STRBP: variants seen among roughly 807,000 people sequenced by gnomAD.
The protein encoded by STRBP is spermatid perinuclear RNA binding protein, also known as spermatid perinuclear RNA-binding protein.
STRBP carries 13 observed loss-of-function variants against 80.1 expected under a neutral mutation model. That is an observed-to-expected ratio of 0.16 (90% CI 0.11 to 0.26). STRBP has a LOEUF of 0.26. Ranked by LOEUF, STRBP falls within the 10% of genes least tolerant of loss-of-function variation. The pLI, the probability that STRBP is intolerant of heterozygous loss-of-function variation, is 1.00. For missense variants in STRBP, 485 were observed against 815.2 expected (o/e 0.59, Z 4.93); for synonymous variants, 284 against 291.2 (o/e 0.98, Z 0.25).
rs1269261301 is a variant in STRBP at position 123,168,148 on chromosome 9, G to A, written c.535+1754C>T. ...TATAATTACAACACTACTTAGAAAT[G>A]GTTGGTTTTATACTAGAGGGTCAAG... is the stretch of plus-strand genomic sequence containing the variant. On this transcript the variant is annotated intron_variant, in intron 6 of 18. Coordinates refer to ENST00000348403, the MANE Select transcript of STRBP (RefSeq NM_018387.5). 1.2e-5 allele frequency: 10 copies of A among 806,728 alleles called. No homozygotes were observed. The Admixed American group carries it at 6.2e-4, about 50-fold the overall frequency. 50.0% of individuals were successfully genotyped at this position (806,728 alleles called of 1,614,324 possible). A position where few individuals can be genotyped will look rare whatever the true frequency, so the allele number is the denominator to read the frequency against.
intron 2 of STRBP, among the ~76,000 whole-genome samples, chr9:123,192,082 A>C (rs2038945097): frequency 6.6e-6 from 1 of 152,216 alleles, no homozygotes; most frequent in Admixed American, 6.5e-5. Flanking sequence ...GGCCTGAGCA[A>C]CTCAGTTAAG....
chr9:123,255,083 CAT>C (rs2041000804), intron 1 of STRBP, among the ~76,000 whole-genome samples: 1 of 152,110 alleles, frequency 6.6e-6, no homozygotes, highest in Non-Finnish European at 1.5e-5. Context: ...TTTTGTCTAT[CAT>C]CTTTGGGTTA....
At chr9:123,249,594 T>C (rs996480775) in intron 1 of STRBP, among the ~76,000 whole-genome samples, 8 of 152,134 alleles carry the variant, frequency 5.3e-5, no homozygotes, top group African/African-American at 1.7e-4. Flanking sequence ...TGAGGTATGA[T>C]TGCACCACTG....
chr9:123,200,980 G>C (rs1350455530), intron 2 of STRBP, among the ~76,000 whole-genome samples: 4 of 151,676 alleles, frequency 2.6e-5, no homozygotes, highest in Non-Finnish European at 5.9e-5. Context: ...TACGTTTCCA[G>C]GAATTTGACC....
At chr9:123,175,795 C>G (rs759916273) in intron 4 of STRBP, among the ~76,000 whole-genome samples, 1 of 152,162 alleles carries the variant, frequency 6.6e-6, no homozygotes, top group African/African-American at 2.4e-5. Context: ...TCCTTACTGG[C>G]CTTTCTGACC....
At chr9:123,129,574 C>T (rs559835809) in intron 17 of STRBP, among the ~76,000 whole-genome samples, 1 of 152,160 alleles carries the variant, frequency 6.6e-6, no homozygotes, top group Non-Finnish European at 1.5e-5. Context: ...CCCTTGAGAA[C>T]AGGATCAATT....
At chr9:123,146,424 C>G (rs1461282469) in intron 13 of STRBP, among the ~76,000 whole-genome samples, 1 of 150,602 alleles carries the variant, frequency 6.6e-6, no homozygotes, top group Non-Finnish European at 1.5e-5. Context: ...GTTAATCGTA[C>G]CGCCATTAAA....
intron 3 of STRBP, among the ~76,000 whole-genome samples, chr9:123,183,839 T>A (rs778161158): frequency 6.6e-6 from 1 of 152,206 alleles, no homozygotes; most frequent in Non-Finnish European, 1.5e-5. Flanking sequence ...ACCTAGCTAT[T>A]TGTATCAGTT....
At chr9:123,150,161 G>A (rs1369327985) in intron 11 of STRBP, among the ~76,000 whole-genome samples, 1 of 152,182 alleles carries the variant, frequency 6.6e-6, no homozygotes, top group African/African-American at 2.4e-5. Flanking sequence ...AACATGCTAA[G>A]AAATGATGCA....
At chr9:123,250,185 G>A (rs2040882088) in intron 1 of STRBP, among the ~76,000 whole-genome samples, 1 of 152,108 alleles carries the variant, frequency 6.6e-6, no homozygotes, top group Admixed American at 6.5e-5. Flanking sequence ...CCCTTTTCCA[G>A]CTACATATCT....
intron 2 of STRBP, among the ~76,000 whole-genome samples, chr9:123,203,178 C>A (rs2039388326): frequency 6.6e-6 from 1 of 151,828 alleles, no homozygotes; most frequent in Non-Finnish European, 1.5e-5. Flanking sequence ...TATAACAAGA[C>A]CCTCTCTCTA....
At chr9:123,267,195 GTCC>G (rs1348318006) in intron 1 of STRBP, among the ~76,000 whole-genome samples, 5 of 117,750 alleles carry the variant, frequency 4.2e-5, no homozygotes, top group African/African-American at 1.8e-4. Flanking sequence ...TGCCCCTAAC[GTCC>G]TCCAACACTT....
chr9:123,111,473 C>CT, intron 3 of STRBP: 1 of 340,920 alleles, frequency 2.9e-6, no homozygotes, highest in Admixed American at 4.7e-5. Flanking sequence ...TAGAGTCAAG[C>CT]AACTTTCTGA....
Position 123,122,454 on chromosome 9 carries a change from A to G in STRBP, c.*3143T>C, listed in dbSNP as rs2035762037. On this transcript the variant is annotated 3_prime_UTR_variant, in exon 19 of 19. Coordinates refer to ENST00000348403, the MANE Select transcript of STRBP (RefSeq NM_018387.5). ...TCACCCAAAATTAAAAAAAAAAAAA[A>G]AAAGAAAAGGCCAATACCAGCAAAA... The G allele has an allele frequency of 8.2e-7, 1 of 1,221,254 alleles. No individual in the cohort carries two copies. Among genetic ancestry groups the G allele is most frequent in the Non-Finnish European group, 1.0e-6 (1 of 963,294 alleles). The allele number at this position is 1,221,254 out of a possible 1,614,324, so 75.7% of individuals were successfully genotyped here. A position where few individuals can be genotyped will look rare whatever the true frequency, so the allele number is the denominator to read the frequency against.
Position 123,200,734 on chromosome 9 carries a change from AT to A in STRBP, c.-164-16437del, listed in dbSNP as rs71390418. Reference sequence around the variant, plus strand: ...AGGCGCCCCGCCACACACCCCGCTAATTTTTTTTTTTTTTTTTTTTTTTTTT... The same window carrying A: ...AGGCGCCCCGCCACACACCCCGCTAATTTTTTTTTTTTTTTTTTTTTTTTT... On this transcript the variant is annotated intron_variant, in intron 2 of 18. Transcript: ENST00000348403. 2.7e-3 allele frequency among the ~76,000 whole-genome samples: 101 copies of A among 37,496 alleles called. 4 individuals carry two copies. The highest frequency in any genetic ancestry group is 0.025 in the South Asian group (10 of 406). The allele number at this position is 37,496 out of a possible 152,430, so 24.6% of individuals were successfully genotyped here.
chr9:123,169,429 C>G (rs1185386669), intron 6 of STRBP, among the ~76,000 whole-genome samples: 1 of 152,084 alleles, frequency 6.6e-6, no homozygotes, highest in Non-Finnish European at 1.5e-5. Context: ...CCTCGGCCTC[C>G]CAAAGTGCTG....
chr9:123,139,613 A>G lies in STRBP; in HGVS notation c.1413T>C (p.Asp471=), dbSNP rs1480313569. Residue 471 remains aspartate, a synonymous_variant, in exon 14 of 19, where the codon GAT becomes GAC. Transcript: ENST00000348403. Reference sequence around the variant, plus strand: ...ACACTGTTTCATTTTTACTTTCATTATCTGATTTTTCATCGGAACTCATAC... The same window carrying G: ...ACACTGTTTCATTTTTACTTTCATTGTCTGATTTTTCATCGGAACTCATAC... ...IECMSSDEKS[D]NESKNETVSS... The G allele has an allele frequency of 3.7e-6, 6 of 1,612,866 alleles. No individual in the cohort carries two copies. The highest frequency in any genetic ancestry group is 5.1e-6 in the Non-Finnish European group (6 of 1,179,752).
intron 1 of STRBP, among the ~76,000 whole-genome samples, chr9:123,245,617 G>A (rs528215406): frequency 4.6e-5 from 7 of 152,212 alleles, no homozygotes; most frequent in Admixed American, 1.3e-4. Context: ...TCCTGAACTC[G>A]TGATCCGCCC....
intron 2 of STRBP, among the ~76,000 whole-genome samples, chr9:123,197,133 CAG>C (rs1330135201): frequency 6.7e-6 from 1 of 150,280 alleles, no homozygotes; most frequent in Non-Finnish European, 1.5e-5. Flanking sequence ...TGAAGTAAGC[CAG>C]ACACAGAAAA....
Sources: gnomAD v4.1 joint callset for allele counts (sites outside exome capture counted in the v4.1 genomes callset) on GRCh38, gnomAD v4.1.1 for gene constraint, MANE v1.5 for transcripts, NCBI Gene and HGNC (gene_info 2026-07-23, HGNC 2026-07-21) for gene names.